The following CELF4 variants were observed in gnomAD, a reference collection of about 807,000 sequenced individuals.
CELF4 encodes CUGBP Elav-like family member 4, also known as CUG-BP- and ETR-3-like factor 4.
In CELF4, 18 loss-of-function variants were observed where a neutral mutation model predicts 59.9. The ratio of observed to expected loss-of-function variants is 0.30; its 90% CI spans 0.21 to 0.45. The LOEUF (loss-of-function observed/expected upper bound fraction) is 0.45, where lower values mean the gene tolerates loss of function less well. CELF4 is among the 20% of genes least tolerant of loss of function. The pLI, the probability that CELF4 is intolerant of heterozygous loss-of-function variation, is 1.00. For synonymous variants in CELF4, 261 were observed against 267.1 expected, an observed-to-expected ratio of 0.98 and a Z score of 0.22; for missense variants, 456 against 689.0, an observed-to-expected ratio of 0.66 and a Z score of 3.79.
At chr18:37,446,386 A>C (rs544324629) in intron 2 of CELF4, among the ~76,000 whole-genome samples, 8 of 152,226 alleles carry the variant, frequency 5.3e-5, no homozygotes, top group African/African-American at 1.9e-4. Flanking sequence ...AGGGTCCTCA[A>C]CTGGGGGTGC....
At chr18:37,482,804 T>C (rs1463564417) in intron 2 of CELF4, among the ~76,000 whole-genome samples, 2 of 152,198 alleles carry the variant, frequency 1.3e-5, no homozygotes, top group African/African-American at 4.8e-5. Flanking sequence ...GCGAGCTCCA[T>C]AACTCACTAG....
chr18:37,555,416 C>T (rs2099984492), intron 1 of CELF4, among the ~76,000 whole-genome samples: 1 of 152,148 alleles, frequency 6.6e-6, no homozygotes, highest in African/African-American at 2.4e-5. Context: ...GCCTCTGTTT[C>T]CCCGGTCTCC....
chr18:37,512,165 C>T (rs527498055), intron 1 of CELF4, among the ~76,000 whole-genome samples: 2 of 152,298 alleles, frequency 1.3e-5, no homozygotes, highest in South Asian at 2.1e-4. Context: ...TTTCCCTCCT[C>T]CTGTGGCCCT....
chr18:37,379,507 CAAAAAAA>C (rs56250210), intron 2 of CELF4, among the ~76,000 whole-genome samples: 3 of 45,712 alleles, frequency 6.6e-5, no homozygotes, highest in African/African-American at 2.8e-4. Context: ...AGGCCATAAG[CAAAAAAA>C]AAAAAAAAAA....
intron 2 of CELF4, among the ~76,000 whole-genome samples, chr18:37,356,928 C>T (rs1423055199): frequency 6.6e-6 from 1 of 152,186 alleles, no homozygotes; most frequent in African/African-American, 2.4e-5. Context: ...TTTTCCTACA[C>T]TCTTCCTCTC....
Position 37,254,997 on chromosome 18 carries a change from C to T in CELF4, c.1334-1059G>A, listed in dbSNP as rs2068300294. On this transcript the variant is annotated intron_variant, in intron 11 of 12. Coordinates refer to ENST00000420428, the MANE Select transcript of CELF4 (RefSeq NM_020180.4). This position sits in a 1 kb window ranked among gnomAD's most constrained non-coding sequence, Gnocchi z 5.1. The stretch of plus-strand genomic sequence containing the variant: ...GCAGCATATCAACAAATAACGTCCC[C>T]TCCCTCACCGAGTTGTAGTAAATGA... Among the ~76,000 whole-genome samples the T allele has an allele frequency of 6.6e-6, 1 of 152,226 alleles. No homozygotes were observed. Among genetic ancestry groups the T allele is most frequent in the Non-Finnish European group, 1.5e-5 (1 of 68,046 alleles).
At chr18:37,286,809 T>TGGGAGTGGGTC (rs1469046855) in intron 3 of CELF4, among the ~76,000 whole-genome samples, 3 of 152,044 alleles carry the variant, frequency 2.0e-5, no homozygotes, top group Admixed American at 1.3e-4. Context: ...GACCCTGGGT[T>TGGGAGTGGGTC]GGGAGTGGGT....
At chr18:37,454,318 G>A (rs2099772201) in intron 2 of CELF4, among the ~76,000 whole-genome samples, 1 of 152,136 alleles carries the variant, frequency 6.6e-6, no homozygotes, top group Non-Finnish European at 1.5e-5. Flanking sequence ...GGAGGCAGGT[G>A]GGCTCTGTTC....
intron 2 of CELF4, among the ~76,000 whole-genome samples, chr18:37,328,880 T>A (rs893017776): frequency 1.1e-4 from 17 of 152,158 alleles, no homozygotes. Flanking sequence ...CAGACATAAT[T>A]TGCAGGACCC....
rs759568975 is a variant in CELF4 at position 37,266,557 on chromosome 18, C to T, written c.1141G>A (p.Ala381Thr). 4.1e-5 allele frequency: 66 copies of T among 1,597,262 alleles called. No individual in the cohort carries two copies. Among genetic ancestry groups the T allele is most frequent in the African/African-American group, 6.7e-5 (5 of 74,838 alleles). Reference sequence around the variant, plus strand: ...CGACCTGCATACTGCTGCACTCCGGCGTAGGCCTGCTGCAGGGGGTCCGCG... The same window carrying T: ...CGACCTGCATACTGCTGCACTCCGGTGTAGGCCTGCTGCAGGGGGTCCGCG... ...TAADPLQQAY[A>T]GVQQYAGPAA... Residue 381 changes from alanine to threonine, a missense_variant, in exon 9 of 13, where the codon GCC (alanine) becomes ACC (threonine). Ala to Thr is a moderately conservative substitution (Grantham distance 58). Around this residue, in one of 7 missense-constraint regions of CELF4, gnomAD observed 256 missense variants for 340.8 expected, o/e 0.75. Coordinates refer to ENST00000420428, the MANE Select transcript of CELF4 (RefSeq NM_020180.4).
At chr18:37,372,950 C>T (rs1201336261) in intron 2 of CELF4, among the ~76,000 whole-genome samples, 1 of 152,118 alleles carries the variant, frequency 6.6e-6, no homozygotes, top group Non-Finnish European at 1.5e-5. Context: ...GGGACAAGAG[C>T]CCCAATCATT....
At chr18:37,271,252 TC>T (rs1212030109) in intron 7 of CELF4, among the ~76,000 whole-genome samples, 66 of 141,966 alleles carry the variant, frequency 4.6e-4, no homozygotes, top group African/African-American at 1.7e-3. Flanking sequence ...CTTCCTTCAG[TC>T]CTTTTTTTTT....
chr18:37,431,511 G>A (rs1480577233), intron 2 of CELF4, among the ~76,000 whole-genome samples: 1 of 151,732 alleles, frequency 6.6e-6, no homozygotes, highest in Non-Finnish European at 1.5e-5. Context: ...GGGACTACAG[G>A]CGCCCGCCAC....
chr18:37,503,690 C>T (rs1409549614), intron 1 of CELF4, among the ~76,000 whole-genome samples: 2 of 152,250 alleles, frequency 1.3e-5, no homozygotes, highest in African/African-American at 4.8e-5. Context: ...CTCTTCACTT[C>T]TCTGGGTCTC....
intron 1 of CELF4, among the ~76,000 whole-genome samples, chr18:37,507,051 G>A (rs1180467438): frequency 6.6e-6 from 1 of 152,202 alleles, no homozygotes; most frequent in East Asian, 1.9e-4. Flanking sequence ...CAGTTGCCAG[G>A]AGGGTGTCTC....
chr18:37,357,580 C>T (rs953416807), intron 2 of CELF4, among the ~76,000 whole-genome samples: 3 of 152,264 alleles, frequency 2.0e-5, no homozygotes, highest in South Asian at 2.1e-4. Context: ...TGGGGCACTG[C>T]CTAGTGAAGC....
chr18:37,551,865 C>T (rs1220699265), intron 1 of CELF4, among the ~76,000 whole-genome samples: 1 of 152,220 alleles, frequency 6.6e-6, no homozygotes, highest in African/African-American at 2.4e-5. Flanking sequence ...CTGATTCTCC[C>T]TCAGCCAGGC....
At chr18:37,381,407 C>A (rs2099039658) in intron 2 of CELF4, among the ~76,000 whole-genome samples, 1 of 152,108 alleles carries the variant, frequency 6.6e-6, no homozygotes. Context: ...GGCCCCCTGG[C>A]TCTGAGTTCT....
intron 1 of CELF4, among the ~76,000 whole-genome samples, chr18:37,561,404 C>T (rs191237995): frequency 3.1e-4 from 47 of 152,290 alleles, no homozygotes; most frequent in Admixed American, 1.4e-3. Context: ...GTTTAGATTA[C>T]GTTAATTCAT....
Sources: allele counts gnomAD v4.1 joint callset (sites outside exome capture counted in the v4.1 genomes callset), GRCh38; gene constraint gnomAD v4.1.1; regional missense constraint gnomAD v4.1.1; non-coding constraint Gnocchi (gnomAD v3.1); transcripts MANE v1.5; gene names NCBI Gene and HGNC (gene_info 2026-07-23, HGNC 2026-07-21).